Variants in NRXN1 observed in about 807,000 individuals in gnomAD.
NRXN1 encodes neurexin-1.
In NRXN1, 39 loss-of-function variants were observed where a neutral mutation model predicts 150.9. That is an observed-to-expected ratio of 0.26 (90% CI 0.20 to 0.34). The LOEUF (loss-of-function observed/expected upper bound fraction) is 0.34. NRXN1 is among the 10% of genes least tolerant of loss of function. The probability of loss-of-function intolerance (pLI) is 1.00; values close to 1 mark genes in which losing one functional copy is unlikely to be tolerated. For synonymous variants in NRXN1, 924 were observed against 757.0 expected (o/e 1.22, Z -3.62); for missense variants, 1,815 against 1,949.9 (o/e 0.93, Z 1.30).
chr2:50,941,720 CACAA>C (rs904877931), intron 2 of NRXN1, among the ~76,000 whole-genome samples: 2 of 152,086 alleles, frequency 1.3e-5, no homozygotes, highest in African/African-American at 4.8e-5. Context: ...CACATACGTT[CACAA>C]ACAGATTACC....
At chr2:51,027,338 G>A (rs1356859342) in intron 2 of NRXN1, among the ~76,000 whole-genome samples, 164 bp downstream of exon 2, 1 of 152,196 alleles carries the variant, frequency 6.6e-6, no homozygotes, top group Non-Finnish European at 1.5e-5. Context: ...GGGAGAAGCT[G>A]TGGAGGTGGT....
chr2:50,530,808 A>G (rs1455602557), intron 11 of NRXN1, among the ~76,000 whole-genome samples: 3 of 152,304 alleles, frequency 2.0e-5, no homozygotes, highest in East Asian at 3.9e-4. Context: ...TCTAGATAAC[A>G]AAGCAGAAAT....
At chr2:50,793,665 C>G (rs556042656) in intron 5 of NRXN1, among the ~76,000 whole-genome samples, 2 of 151,994 alleles carry the variant, frequency 1.3e-5, no homozygotes, top group South Asian at 4.2e-4. Context: ...TAGCCTTGGG[C>G]AGGGTAAACA....
chr2:50,130,303 G>A (rs1354329492), intron 18 of NRXN1, among the ~76,000 whole-genome samples: 2 of 152,048 alleles, frequency 1.3e-5, no homozygotes, highest in Non-Finnish European at 2.9e-5. Context: ...TTCTGAAGAT[G>A]GTCACAGACA....
intron 17 of NRXN1, among the ~76,000 whole-genome samples, chr2:50,289,526 G>A (rs557183035): frequency 2.8e-4 from 42 of 152,220 alleles, no homozygotes; most frequent in Admixed American, 1.2e-3. Flanking sequence ...ATAGAAACCA[G>A]AAACTGATAT....
chr2:50,406,953 C>T (rs980965384), intron 17 of NRXN1, among the ~76,000 whole-genome samples: 1 of 152,142 alleles, frequency 6.6e-6, no homozygotes, highest in Non-Finnish European at 1.5e-5. Context: ...AAAACCTCAA[C>T]TCACAGCTTC....
chr2:50,260,501 TACAACC>T (rs2068143445), intron 17 of NRXN1, among the ~76,000 whole-genome samples: 1 of 151,270 alleles, frequency 6.6e-6, no homozygotes, highest in Non-Finnish European at 1.5e-5. Flanking sequence ...TCTATTGGAA[TACAACC>T]ACACTCCTCA....
intron 17 of NRXN1, among the ~76,000 whole-genome samples, chr2:50,253,644 G>C (rs2067386070): frequency 6.6e-6 from 1 of 152,100 alleles, no homozygotes; most frequent in Admixed American, 6.6e-5. Flanking sequence ...TTTATCAAAA[G>C]CTTTTTCTGC....
rs180678500 is a variant in NRXN1, at chr2:50,528,258, A to T, written c.2374+367T>A. Among the ~76,000 whole-genome samples, 19 of 151,258 alleles carry T rather than the reference A, an allele frequency of 1.3e-4. No individual in the cohort carries two copies. The East Asian group carries it at 3.7e-3, about 29-fold the overall frequency. On this transcript the variant is annotated intron_variant, in intron 12 of 22. Transcript: ENST00000401669. ...AATTAAGTATTTTTTTTTGTATTTG[A>T]GTTAAAAGATAAAGACAAAAGAAAA...
intron 17 of NRXN1, among the ~76,000 whole-genome samples, chr2:50,455,352 G>C (rs904205906): frequency 2.0e-5 from 3 of 152,126 alleles, no homozygotes; most frequent in Non-Finnish European, 2.9e-5. Flanking sequence ...AGATACCGTA[G>C]GCACTGAATG....
chr2:50,314,590 T>C (rs1217006177), intron 17 of NRXN1, among the ~76,000 whole-genome samples: 1 of 149,546 alleles, frequency 6.7e-6, no homozygotes, highest in African/African-American at 2.5e-5. Flanking sequence ...TTAAATGCCA[T>C]TGTTTGGTAA....
intron 5 of NRXN1, among the ~76,000 whole-genome samples, chr2:50,894,899 A>C (rs1016792626): frequency 7.9e-5 from 12 of 152,154 alleles, no homozygotes; most frequent in African/African-American, 2.9e-4. Context: ...GGCAACAAAA[A>C]TTTCCTGGCC....
intron 5 of NRXN1, among the ~76,000 whole-genome samples, chr2:50,851,307 A>G (rs762106003): frequency 2.6e-4 from 39 of 152,172 alleles, no homozygotes; most frequent in African/African-American, 8.2e-4. Flanking sequence ...TCAATAACCA[A>G]GGTAAACAGA....
At chr2:50,433,466 A>C (rs2085149933) in intron 17 of NRXN1, among the ~76,000 whole-genome samples, 1 of 152,186 alleles carries the variant, frequency 6.6e-6, no homozygotes, top group South Asian at 2.1e-4. Flanking sequence ...TGTTTTTGGA[A>C]GATCTTCAGT....
At chr2:50,182,125 T>TTA (rs4032268) in intron 18 of NRXN1, among the ~76,000 whole-genome samples, 1 of 148,598 alleles carries the variant, frequency 6.7e-6, no homozygotes, top group Non-Finnish European at 1.5e-5. Flanking sequence ...TTTTTTTTTT[T>TTA]ACTTTTAGAT....
At chr2:51,011,138 G>A (rs1667793596) in intron 2 of NRXN1, among the ~76,000 whole-genome samples, 1 of 151,798 alleles carries the variant, frequency 6.6e-6, no homozygotes, top group Non-Finnish European at 1.5e-5. Flanking sequence ...TTTAATTCAC[G>A]TCTTTACTTA....
chr2:50,489,693 A>G (rs2091122255), intron 15 of NRXN1, among the ~76,000 whole-genome samples: 1 of 152,130 alleles, frequency 6.6e-6, no homozygotes, highest in Non-Finnish European at 1.5e-5. Context: ...ATAAAACTAA[A>G]TATAGACAAC....
At position 49,976,902 on chromosome 2, in the gene NRXN1, C is replaced by A. The variant is rs1008550002; in HGVS notation, c.4129-33111G>T. Among the ~76,000 whole-genome samples, 9 of 152,302 alleles carry A rather than the reference C, an allele frequency of 5.9e-5. No individual in the cohort carries two copies. The South Asian group carries it at 1.9e-3, about 32-fold the overall frequency. ...TAACCTCTTCAAGCCTTAGTTTTCTCAGCTGGATGCAATTAGCAAAAAGTG... is the reference window on the plus strand; with the variant it reads ...TAACCTCTTCAAGCCTTAGTTTTCTAAGCTGGATGCAATTAGCAAAAAGTG... On this transcript the variant is annotated intron_variant, in intron 21 of 22. Transcript: ENST00000401669.
intron 5 of NRXN1, chr2:50,829,343 C>T: frequency 1.3e-6 from 1 of 749,416 alleles, no homozygotes; most frequent in Non-Finnish European, 2.3e-6. Context: ...TTGATCAGGA[C>T]AGTCAAACTC....
Sources: gnomAD v4.1 joint callset for allele counts (sites outside exome capture counted in the v4.1 genomes callset) on GRCh38, gnomAD v4.1.1 for gene constraint, MANE v1.5 for transcripts, NCBI Gene and HGNC (gene_info 2026-07-23, HGNC 2026-07-21) for gene names.